TAOK3: variants seen among roughly 807,000 people sequenced by gnomAD.
The protein encoded by TAOK3 is serine/threonine-protein kinase TAO3.
TAOK3 carries 40 observed loss-of-function variants against 120.4 expected under a neutral mutation model. That is an observed-to-expected ratio of 0.33 (90% confidence interval 0.26 to 0.43). The LOEUF (loss-of-function observed/expected upper bound fraction) is 0.43, where lower values mean the gene tolerates loss of function less well. TAOK3 is among the 20% of genes least tolerant of loss of function. The pLI is 1.00. For missense variants in TAOK3, 821 were observed against 1,112.1 expected, an observed-to-expected ratio of 0.74 and a Z score of 3.72; for synonymous variants, 355 against 387.5, an observed-to-expected ratio of 0.92 and a Z score of 0.99.
At chr12:118,268,597 A>T (rs1469624050) in intron 1 of TAOK3, among the ~76,000 whole-genome samples, 1 of 152,222 alleles carries the variant, frequency 6.6e-6, no homozygotes, top group Admixed American at 6.5e-5. Flanking sequence ...CCTAACCACT[A>T]ACCAATCAAT....
intron 7 of TAOK3, 140 bp from the exon 8 acceptor site, chr12:118,235,811 G>C (rs2039998292): frequency 5.0e-6 from 3 of 598,912 alleles, no homozygotes; most frequent in Non-Finnish European, 8.7e-6. Context: ...CAGATAGCCA[G>C]AAGGAGATTT....
intron 14 of TAOK3, among the ~76,000 whole-genome samples, chr12:118,186,110 A>G (rs2037060000): frequency 6.6e-6 from 1 of 152,224 alleles, no homozygotes; most frequent in South Asian, 2.1e-4. Context: ...CTCCAAATGA[A>G]GACTCTCTAT....
chr12:118,254,656 G>A (rs2040902357), intron 3 of TAOK3, among the ~76,000 whole-genome samples: 1 of 152,154 alleles, frequency 6.6e-6, no homozygotes, highest in African/African-American at 2.4e-5. Flanking sequence ...GATGTAATGT[G>A]CAGAGTTTTC....
At chr12:118,351,771 G>A (rs1463200542) in intron 1 of TAOK3, among the ~76,000 whole-genome samples, 1 of 151,002 alleles carries the variant, frequency 6.6e-6, no homozygotes, top group Non-Finnish European at 1.5e-5. Flanking sequence ...TTGTAACACA[G>A]CAGGCACTTA....
At chr12:118,176,362 G>C (rs2036327120) in intron 16 of TAOK3, among the ~76,000 whole-genome samples, 3 of 152,130 alleles carry the variant, frequency 2.0e-5, no homozygotes, top group Non-Finnish European at 4.4e-5. Flanking sequence ...GCATTAGTGT[G>C]AGATGTCACT....
At chr12:118,335,113 G>A (rs1226044482) in intron 1 of TAOK3, among the ~76,000 whole-genome samples, 1 of 151,852 alleles carries the variant, frequency 6.6e-6, no homozygotes, top group Non-Finnish European at 1.5e-5. Context: ...GAACCTGGGA[G>A]GTGGAGGTTT....
intron 1 of TAOK3, among the ~76,000 whole-genome samples, chr12:118,311,470 G>GA (rs1425910413): frequency 1.3e-5 from 2 of 151,178 alleles, no homozygotes; most frequent in African/African-American, 2.4e-5. Context: ...CAGAAAAAAA[G>GA]AAAAAAAAGA....
chr12:118,341,498 A>T (rs7134670), intron 1 of TAOK3, among the ~76,000 whole-genome samples: 10,391 of 152,126 alleles, frequency 0.068, 861 homozygotes, highest in African/African-American at 0.19. Context: ...TTAAACTTAG[A>T]AGTTTTAATA....
rs745386098 is a variant in TAOK3, at chr12:118,238,068, C to A, written c.437+5G>T. The A allele has an allele frequency of 5.7e-6, 9 of 1,576,026 alleles. 1 individual carries two copies. The highest frequency in any genetic ancestry group is 3.4e-5 in the South Asian group (3 of 88,238). ...AAAAGAAACATAACTGGTCTCTAAT[C>A]TTACCTATGAATCAATGCATGAGAA... On this transcript the variant is annotated splice_donor_5th_base_variant and intron_variant, in intron 7 of 20. Transcript: ENST00000392533.
At chr12:118,233,929 A>G (rs1449080658) in intron 8 of TAOK3, among the ~76,000 whole-genome samples, 164 bp from the exon 9 acceptor site, 1 of 152,188 alleles carries the variant, frequency 6.6e-6, no homozygotes, top group Non-Finnish European at 1.5e-5. Flanking sequence ...TTCAAAATAT[A>G]ATCTACTTGG....
intron 9 of TAOK3, among the ~76,000 whole-genome samples, chr12:118,227,389 T>C (rs1345944528): frequency 6.6e-6 from 1 of 150,696 alleles, no homozygotes; most frequent in African/African-American, 2.4e-5. Context: ...AAATTTTACT[T>C]ATAACACTGA....
At chr12:118,243,361 A>T in intron 5 of TAOK3, 54 bp downstream of exon 5, 1 of 995,864 alleles carries the variant, frequency 1.0e-6, no homozygotes, top group Non-Finnish European at 1.5e-6. Flanking sequence ...AATAGAAAAA[A>T]AAGAAAAAGA....
chr12:118,190,789 T>A (rs2037392801), intron 13 of TAOK3, among the ~76,000 whole-genome samples: 1 of 152,198 alleles, frequency 6.6e-6, no homozygotes, highest in South Asian at 2.1e-4. Flanking sequence ...TAATAATGGA[T>A]GTTTCTTAAA....
Position 118,172,483 on chromosome 12 carries a change from C to T in TAOK3, c.1873G>A (p.Glu625Lys), listed in dbSNP as rs371188778. Residue 625 changes from glutamate (E) to lysine (K), a missense_variant, in exon 17 of 21, where the codon GAG becomes AAG. Transcript: ENST00000392533. Reference protein sequence around the residue: ...FKRKIMIKRHEVEQQNIREEL... With the variant: ...FKRKIMIKRHKVEQQNIREEL... Reference sequence around the variant, plus strand: ...TCCCGAATGTTCTGCTGCTCCACCTCGTGCCGCTTGATCATTATTTTCCGC... The same window carrying T: ...TCCCGAATGTTCTGCTGCTCCACCTTGTGCCGCTTGATCATTATTTTCCGC... 7.4e-6 allele frequency: 12 copies of T among 1,614,158 alleles called. No individual in the cohort carries two copies. The highest frequency in any genetic ancestry group is 1.3e-5 in the African/African-American group (1 of 75,034).
chr12:118,263,711 G>A (rs1160260016), intron 2 of TAOK3, among the ~76,000 whole-genome samples: 1 of 152,160 alleles, frequency 6.6e-6, no homozygotes, highest in Non-Finnish European at 1.5e-5. Context: ...TACCAAGTGA[G>A]ATGGATGAAT....
intron 17 of TAOK3, among the ~76,000 whole-genome samples, chr12:118,163,095 T>C (rs1212808477): frequency 2.6e-5 from 4 of 152,172 alleles, no homozygotes; most frequent in Non-Finnish European, 5.9e-5. Context: ...TACTCGGAAT[T>C]TGGAATTGAT....
chr12:118,291,470 C>G (rs1390791483), intron 1 of TAOK3, among the ~76,000 whole-genome samples: 1 of 151,954 alleles, frequency 6.6e-6, no homozygotes, highest in Non-Finnish European at 1.5e-5. Flanking sequence ...GGGGTTTTTA[C>G]TTTTTAAAAG....
chr12:118,354,865 T>G (rs1393093375), intron 1 of TAOK3, among the ~76,000 whole-genome samples: 4 of 152,038 alleles, frequency 2.6e-5, no homozygotes, highest in African/African-American at 9.7e-5. Context: ...CCTGTATAAA[T>G]TACCCAGCCT....
chr12:118,258,192 T>C (rs1054289515), intron 2 of TAOK3, among the ~76,000 whole-genome samples: 16 of 152,124 alleles, frequency 1.1e-4, no homozygotes, highest in Non-Finnish European at 1.5e-5. Context: ...AAAGACCCTT[T>C]AAACCATATT....
Sources: gnomAD v4.1 joint callset for allele counts (sites outside exome capture counted in the v4.1 genomes callset) on GRCh38, gnomAD v4.1.1 for gene constraint, MANE v1.5 for transcripts, NCBI Gene and HGNC (gene_info 2026-07-23, HGNC 2026-07-21) for gene names.